Variants in SOCS7 observed in about 807,000 individuals in gnomAD.
SOCS7 encodes suppressor of cytokine signaling 7, also known as NAP-4.
A neutral mutation model predicts 58.9 loss-of-function variants in SOCS7; 18 were observed. The observed-to-expected ratio is 0.31, with a 90% CI of 0.21 to 0.45. The LOEUF is 0.45. SOCS7 is among the 20% of genes least tolerant of loss of function. The pLI is 1.00. For missense variants in SOCS7, 667 were observed against 837.3 expected (o/e 0.80, Z 2.51); for synonymous variants, 388 against 364.3 (o/e 1.06, Z -0.74).
At chr17:38,363,466 G>T (rs757045111) in intron 2 of SOCS7, among the ~76,000 whole-genome samples, 3 of 152,160 alleles carry the variant, frequency 2.0e-5, no homozygotes, top group Non-Finnish European at 2.9e-5. Flanking sequence ...CTCCAGAATA[G>T]CTGGGACTAT....
intron 6 of SOCS7, 38 bp from the exon 7 acceptor site, chr17:38,377,676 A>G (rs2037949340): frequency 6.3e-7 from 1 of 1,584,538 alleles, no homozygotes; most frequent in Non-Finnish European, 8.6e-7. Context: ...CTTCTGAAGT[A>G]AGTTTTAAAA....
chr17:38,356,392 C>T (rs990126982), intron 1 of SOCS7, among the ~76,000 whole-genome samples: 5 of 150,230 alleles, frequency 3.3e-5, no homozygotes, highest in African/African-American at 9.8e-5. Context: ...TTTTTGGGGC[C>T]GGGGGGATGG....
At position 38,402,744 on chromosome 17, in the gene SOCS7, A is replaced by G. The variant is rs2038338422; in HGVS notation, c.*3262A>G. The stretch of plus-strand genomic sequence containing the variant: ...GACTCCATCTCAAAAAAAATAAATA[A>G]TTTCTTTCTGGTTGTATTTTCAAGT... On this transcript the variant is annotated 3_prime_UTR_variant, in exon 10 of 10. Transcript: ENST00000612932. 6.6e-6 allele frequency: 1 copy of G among 151,956 alleles called. No individual in the cohort carries two copies. The highest frequency in any genetic ancestry group is 2.1e-4 in the South Asian group (1 of 4,810). 9.4% of individuals were successfully genotyped at this position (151,956 alleles called of 1,614,324 possible). A position where few individuals can be genotyped will look rare whatever the true frequency, so the allele number is the denominator to read the frequency against.
chr17:38,361,902 G>A, intron 2 of SOCS7, 127 bp downstream of exon 2: 1 of 686,214 alleles, frequency 1.5e-6, no homozygotes, highest in Non-Finnish European at 2.5e-6. Context: ...TTCATTCCAT[G>A]CTTAGTGGGT....
At chr17:38,395,166 C>G in intron 7 of SOCS7, 143 bp from the exon 8 acceptor site, 3 of 733,934 alleles carry the variant, frequency 4.1e-6, no homozygotes, top group Non-Finnish European at 6.3e-6. Flanking sequence ...ATCAACAGCA[C>G]TTTGTGGAGG....
chr17:38,387,117 A>ATGTATGTATGTATGTATG (rs1357448961), intron 7 of SOCS7, among the ~76,000 whole-genome samples: 1 of 105,642 alleles, frequency 9.5e-6, no homozygotes, highest in African/African-American at 4.7e-5. Context: ...ATATATATAT[A>ATGTATGTATGTATGTATG]TATATATATA....
intron 7 of SOCS7, 66 bp downstream of exon 7, chr17:38,377,908 C>A: frequency 6.7e-7 from 1 of 1,490,834 alleles, no homozygotes; most frequent in Non-Finnish European, 9.2e-7. Flanking sequence ...TGTCAAAAAA[C>A]ACCATCCCCA....
chr17:38,369,079 GT>G (rs2037828609), intron 6 of SOCS7, among the ~76,000 whole-genome samples: 1 of 152,204 alleles, frequency 6.6e-6, no homozygotes, highest in Non-Finnish European at 1.5e-5. Flanking sequence ...GATGGTCATT[GT>G]TTCTGAGGCT....
At chr17:38,366,141 T>C (rs1239472112) in intron 4 of SOCS7, 146 bp from the exon 5 acceptor site, 1 of 1,297,034 alleles carries the variant, frequency 7.7e-7, no homozygotes, top group Admixed American at 2.9e-5. Flanking sequence ...TCCAGCTCTT[T>C]GCCACTGCTT....
intron 7 of SOCS7, among the ~76,000 whole-genome samples, chr17:38,387,322 C>G (rs1255784723): frequency 6.9e-6 from 1 of 145,410 alleles, no homozygotes; most frequent in African/African-American, 2.6e-5. Context: ...TGGTGGGCAC[C>G]TGTAATCCCA....
At chr17:38,366,468 T>C (rs1310108009) in intron 5 of SOCS7, 51 bp downstream of exon 5, 1 of 1,598,622 alleles carries the variant, frequency 6.3e-7, no homozygotes, top group Non-Finnish European at 8.6e-7. Context: ...ATTAGCTAAA[T>C]TCTGTATTCG....
intron 9 of SOCS7, among the ~76,000 whole-genome samples, chr17:38,398,060 C>G (rs1472011555): frequency 6.6e-6 from 1 of 152,076 alleles, no homozygotes; most frequent in African/African-American, 2.4e-5. Context: ...AGCCATTTGT[C>G]TTGAGTGTTG....
Position 38,352,511 on chromosome 17 carries a change from G to T in SOCS7, c.459G>T (p.Pro153=). Residue 153 remains proline, a synonymous_variant, in exon 1 of 10, where the codon CCG becomes CCT. Coordinates refer to ENST00000612932, the MANE Select transcript of SOCS7 (RefSeq NM_014598.4). The surrounding 1 kb of genome is among the most constrained non-coding windows in gnomAD (Gnocchi z 5.5). ...GCCPCPCPPQ[P]PPPQPQPPAA... ...GCCCGTGTCCGTGTCCTCCTCAGCC[G>T]CCCCCTCCGCAGCCCCAGCCGCCTG... 6.5e-7 allele frequency: 1 copy of T among 1,543,908 alleles called. No homozygotes were observed. Among genetic ancestry groups the T allele is most frequent in the Non-Finnish European group, 8.7e-7 (1 of 1,143,898 alleles).
chr17:38,359,781 TA>T (rs1225933336), intron 1 of SOCS7, among the ~76,000 whole-genome samples: 1 of 150,952 alleles, frequency 6.6e-6, no homozygotes, highest in Non-Finnish European at 1.5e-5. Flanking sequence ...AATTTTTAAT[TA>T]AAAAAAATTT....
intron 1 of SOCS7, among the ~76,000 whole-genome samples, chr17:38,354,209 AT>A (rs1238942917): frequency 6.6e-6 from 1 of 152,212 alleles, no homozygotes; most frequent in Non-Finnish European, 1.5e-5. Context: ...TCTCAGAAAG[AT>A]TGGAATGGGT....
intron 7 of SOCS7, among the ~76,000 whole-genome samples, chr17:38,387,547 T>C (rs1250528995): frequency 1.4e-5 from 2 of 140,922 alleles, no homozygotes; most frequent in Non-Finnish European, 3.0e-5. Flanking sequence ...ATATATAGTA[T>C]ATATATACAC....
chr17:38,381,965 AAAAAAAAAAC>A (rs1239817271), intron 7 of SOCS7, among the ~76,000 whole-genome samples: 4 of 149,932 alleles, frequency 2.7e-5, no homozygotes, highest in African/African-American at 7.4e-5. Flanking sequence ...AAAAAAAAAA[AAAAAAAAAAC>A]CTAAAAAAAC....
At chr17:38,394,582 C>G (rs1229740603) in intron 7 of SOCS7, among the ~76,000 whole-genome samples, 2 of 152,190 alleles carry the variant, frequency 1.3e-5, no homozygotes, top group Non-Finnish European at 2.9e-5. Flanking sequence ...GGGTCCTCAC[C>G]TTCAGGATAC....
At chr17:38,380,476 C>G (rs189542318) in intron 7 of SOCS7, among the ~76,000 whole-genome samples, 1 of 151,786 alleles carries the variant, frequency 6.6e-6, no homozygotes, top group African/African-American at 2.4e-5. Flanking sequence ...ACTAAAAATA[C>G]AAAATTAGCC....
Sources: gnomAD v4.1 joint callset for allele counts (sites outside exome capture counted in the v4.1 genomes callset) on GRCh38, gnomAD v4.1.1 for gene constraint, Gnocchi (gnomAD v3.1) non-coding constraint, MANE v1.5 for transcripts, NCBI Gene and HGNC (gene_info 2026-07-23, HGNC 2026-07-21) for gene names.